SLC7A1: variants seen among roughly 807,000 people sequenced by gnomAD.
SLC7A1 encodes the protein solute carrier family 7 member 1.
A neutral mutation model predicts 53.9 loss-of-function variants in SLC7A1; 10 were observed. The ratio of observed to expected loss-of-function variants is 0.19; its 90% CI spans 0.11 to 0.31. The LOEUF is 0.31. SLC7A1 is among the 10% of genes least tolerant of loss of function. The pLI, the probability that SLC7A1 is intolerant of heterozygous loss-of-function variation, is 1.00. For missense variants in SLC7A1, 525 were observed against 827.2 expected (o/e 0.63, Z 4.48); for synonymous variants, 342 against 338.7 (o/e 1.01, Z -0.11).
intron 1 of SLC7A1, among the ~76,000 whole-genome samples, chr13:29,557,448 A>G (rs1190996559): frequency 6.6e-6 from 1 of 152,128 alleles, no homozygotes; most frequent in Non-Finnish European, 1.5e-5. Context: ...GCTGCATGGG[A>G]TAGCCTTGGC....
intron 1 of SLC7A1, among the ~76,000 whole-genome samples, chr13:29,593,199 C>T (rs1030541637): frequency 3.9e-5 from 6 of 152,220 alleles, no homozygotes; most frequent in Admixed American, 2.6e-4. Flanking sequence ...GTTCTTTGCT[C>T]AGCCTTCCCA....
chr13:29,526,564 C>T (rs1011080555), intron 5 of SLC7A1, among the ~76,000 whole-genome samples: 3 of 152,130 alleles, frequency 2.0e-5, no homozygotes, highest in Non-Finnish European at 4.4e-5. Flanking sequence ...CTTTAGGCAA[C>T]CATGAGGCAG....
intron 1 of SLC7A1, among the ~76,000 whole-genome samples, chr13:29,582,286 C>G (rs147583181): frequency 1.3e-5 from 2 of 152,168 alleles, no homozygotes; most frequent in African/African-American, 2.4e-5. Context: ...CACTCCTTGC[C>G]GGTGCCAGAA....
chr13:29,587,603 G>A (rs2139191958), intron 1 of SLC7A1, among the ~76,000 whole-genome samples: 1 of 152,328 alleles, frequency 6.6e-6, no homozygotes, highest in East Asian at 1.9e-4. Flanking sequence ...CCTCTGCCAA[G>A]TCCAGGAAGC....
In SLC7A1 at chr13:29,510,943, C is replaced by T. The variant is rs1883372947; in HGVS notation, c.*3537G>A. 6.6e-6 allele frequency: 1 copy of T among 152,340 alleles called. No individual in the cohort carries two copies. The highest frequency in any genetic ancestry group is 2.4e-5 in the African/African-American group (1 of 41,474). The allele number at this position is 152,340 out of a possible 1,614,324, so 9.4% of individuals were successfully genotyped here. A position where few individuals can be genotyped will look rare whatever the true frequency, so the allele number is the denominator to read the frequency against. On this transcript the variant is annotated 3_prime_UTR_variant, in exon 13 of 13. Transcript: ENST00000380752. The stretch of plus-strand genomic sequence containing the variant: ...CCCCTATGGGGCATGTCCACGTGCC[C>T]CCCACCAGACTCATTGCCCTGTCTC...
intron 1 of SLC7A1, among the ~76,000 whole-genome samples, chr13:29,591,155 G>A (rs1872092768): frequency 6.6e-6 from 1 of 152,026 alleles, no homozygotes; most frequent in Non-Finnish European, 1.5e-5. Flanking sequence ...AAGGAACTGA[G>A]CCTTCTTTCC....
At chr13:29,536,438 G>A (rs1869424083) in intron 2 of SLC7A1, among the ~76,000 whole-genome samples, 3 of 152,288 alleles carry the variant, frequency 2.0e-5, no homozygotes, top group East Asian at 1.9e-4. Context: ...ACTTCATTTC[G>A]AGGTCTCTGA....
At chr13:29,528,738 T>A (rs565578236) in intron 5 of SLC7A1, among the ~76,000 whole-genome samples, 1 of 152,322 alleles carries the variant, frequency 6.6e-6, no homozygotes, top group East Asian at 1.9e-4. Flanking sequence ...GCCGTCCCTG[T>A]GGTCAGGGGG....
chr13:29,544,871 G>C (rs1005075847), intron 2 of SLC7A1, among the ~76,000 whole-genome samples: 20 of 151,084 alleles, frequency 1.3e-4, no homozygotes, highest in South Asian at 6.3e-4. Flanking sequence ...CCTCATCGGG[G>C]GGGGGGGGCA....
Position 29,513,778 on chromosome 13 carries a change from A to C in SLC7A1, c.*702T>G, listed in dbSNP as rs1883468329. ...GTGCACACACATGCATAAGCAAAGC[A>C]GGCCCTAATGGGAGTGATCCCTTCT... On this transcript the variant is annotated 3_prime_UTR_variant, in exon 13 of 13. Coordinates refer to ENST00000380752, the MANE Select transcript of SLC7A1 (RefSeq NM_003045.5). 6.6e-6 allele frequency: 1 copy of C among 152,420 alleles called. No individual in the cohort carries two copies. Among genetic ancestry groups the C allele is most frequent in the Non-Finnish European group, 1.5e-5 (1 of 68,124 alleles). The allele number at this position is 152,420 out of a possible 1,614,324, so 9.4% of individuals were successfully genotyped here.
chr13:29,560,044 A>G (rs936983756), intron 1 of SLC7A1, among the ~76,000 whole-genome samples: 1 of 152,152 alleles, frequency 6.6e-6, no homozygotes, highest in African/African-American at 2.4e-5. Context: ...CTTTTTCATA[A>G]TAACACAGCT....
intron 3 of SLC7A1, 82 bp downstream of exon 3, chr13:29,535,737 G>A: frequency 3.5e-6 from 5 of 1,431,158 alleles, no homozygotes; most frequent in Non-Finnish European, 4.8e-6. Flanking sequence ...TGACCTCCCT[G>A]TGGGGCATCC....
At chr13:29,552,589 G>GA (rs1870249526) in intron 2 of SLC7A1, among the ~76,000 whole-genome samples, 1 of 152,170 alleles carries the variant, frequency 6.6e-6, no homozygotes, top group South Asian at 2.1e-4. Context: ...ACCGAGGATG[G>GA]AAAACCGCTT....
chr13:29,571,533 C>T (rs946682237), intron 1 of SLC7A1, among the ~76,000 whole-genome samples: 2 of 152,072 alleles, frequency 1.3e-5, no homozygotes, highest in African/African-American at 4.8e-5. Context: ...AGACATCTGC[C>T]GGGGGGTCCT....
intron 1 of SLC7A1, among the ~76,000 whole-genome samples, chr13:29,584,043 C>T (rs1399486641): frequency 6.6e-6 from 1 of 152,156 alleles, no homozygotes; most frequent in Admixed American, 6.5e-5. Flanking sequence ...ACATATATAA[C>T]AGCATCAGAT....
At chr13:29,542,325 G>C (rs1486707682) in intron 2 of SLC7A1, among the ~76,000 whole-genome samples, 1 of 151,978 alleles carries the variant, frequency 6.6e-6, no homozygotes, top group Non-Finnish European at 1.5e-5. Flanking sequence ...CGTGGTGGCA[G>C]GCGCCTGTAA....
chr13:29,572,165 G>C (rs1871224100), intron 1 of SLC7A1, among the ~76,000 whole-genome samples: 1 of 152,214 alleles, frequency 6.6e-6, no homozygotes, highest in Non-Finnish European at 1.5e-5. Flanking sequence ...GCCGCCTGTG[G>C]GTCCCAAGCA....
chr13:29,523,619 C>T lies in SLC7A1; in HGVS notation c.827-131G>A, dbSNP rs988902751. ...CGAGAAACCTCCCTCCAGCACTCAG[C>T]CCTGTGGGCACTGGGGCCTCCTGTG... is the stretch of plus-strand genomic sequence containing the variant. On this transcript the variant is annotated intron_variant, in intron 6 of 12. Transcript: ENST00000380752. 4.1e-5 allele frequency: 28 copies of T among 679,474 alleles called. No homozygotes were observed. In the Admixed American group the frequency reaches 6.5e-4, roughly 16 times the overall value. The allele number at this position is 679,474 out of a possible 1,614,324, so 42.1% of individuals were successfully genotyped here.
chr13:29,563,422 TG>T, intron 1 of SLC7A1, among the ~76,000 whole-genome samples: 1 of 152,244 alleles, frequency 6.6e-6, no homozygotes. Context: ...AAATATTGTC[TG>T]CAAAATAGGC....
Sources: allele counts gnomAD v4.1 joint callset (sites outside exome capture counted in the v4.1 genomes callset), GRCh38; gene constraint gnomAD v4.1.1; transcripts MANE v1.5; gene names NCBI Gene and HGNC (gene_info 2026-07-23, HGNC 2026-07-21).